The following EPHB1 variants were observed in gnomAD, a reference collection of about 807,000 sequenced individuals.
EPHB1 encodes the protein EPH receptor B1.
Under a neutral mutation model 94.4 loss-of-function variants are expected in EPHB1, and 30 were observed. The observed-to-expected ratio is 0.32, with a 90% confidence interval of 0.24 to 0.43. EPHB1 has a LOEUF of 0.43. Ranked by LOEUF, EPHB1 falls within the 20% of genes least tolerant of loss-of-function variation. The pLI, the probability that EPHB1 is intolerant of heterozygous loss-of-function variation, is 1.00. For missense variants in EPHB1, 1,055 were observed against 1,308.3 expected (o/e 0.81, Z 2.99); for synonymous variants, 522 against 489.1 (o/e 1.07, Z -0.89).
At position 134,854,719 on chromosome 3, in the gene EPHB1, G is replaced by A. The variant is rs996920217; in HGVS notation, c.58+59030G>A. Reference sequence around the variant, plus strand: ...CATCCATTGACTGCTATAAAATTGAGCTCCAAATGCATGGCTTGGCCATAG... The same window carrying A: ...CATCCATTGACTGCTATAAAATTGAACTCCAAATGCATGGCTTGGCCATAG... On this transcript the variant is annotated intron_variant, in intron 1 of 15. Transcript: ENST00000398015. Among the ~76,000 whole-genome samples, 4 of 152,238 alleles carry A rather than the reference G, an allele frequency of 2.6e-5. No individual in the cohort carries two copies. The East Asian group carries it at 7.7e-4, about 29-fold the overall frequency.
chr3:134,848,043 C>T (rs1258473409), intron 1 of EPHB1, among the ~76,000 whole-genome samples: 1 of 152,144 alleles, frequency 6.6e-6, no homozygotes, highest in African/African-American at 2.4e-5. Context: ...TTTTCTGATG[C>T]CTCAGTTTCC....
rs116124266 is a variant in EPHB1, at chr3:134,807,175, T to G, written c.58+11486T>G. On this transcript the variant is annotated intron_variant, in intron 1 of 15. Transcript: ENST00000398015. ...ACATTCTACAGAGGCAAATGGGGAGTGAGAGCAGAGAGACCGAACTGCCAG... is the reference window on the plus strand; with the variant it reads ...ACATTCTACAGAGGCAAATGGGGAGGGAGAGCAGAGAGACCGAACTGCCAG... 4.7e-3 allele frequency among the ~76,000 whole-genome samples: 712 copies of G among 151,654 alleles called. 6 individuals carry two copies. Among genetic ancestry groups the G allele is most frequent in the African/African-American group, 0.016 (682 of 41,338 alleles).
intron 3 of EPHB1, among the ~76,000 whole-genome samples, chr3:135,067,242 G>T (rs57380727): frequency 6.6e-6 from 1 of 152,150 alleles, no homozygotes; most frequent in Non-Finnish European, 1.5e-5. Flanking sequence ...GGGGAAGGGG[G>T]TGCCTAGAAC....
chr3:134,820,544 C>G (rs1042199798), intron 1 of EPHB1, among the ~76,000 whole-genome samples: 1 of 152,198 alleles, frequency 6.6e-6, no homozygotes, highest in Admixed American at 6.5e-5. Context: ...GCTGGGCCCT[C>G]TAATCACAGG....
Position 135,162,031 on chromosome 3 carries a change from T to C in EPHB1, c.1436T>C (p.Phe479Ser). The change falls in exon 7 of 16, where the codon TTC becomes TCC. Residue 479 changes from phenylalanine to serine, a missense_variant. Phe to Ser is a radical substitution (Grantham distance 155). Transcript: ENST00000398015. ...GCTTTCTTTTAGGAACACAATGAGT[T>C]CAACTCCTCCATGGCCAGGAGTCAG... The part of the protein sequence containing the change: ...IRYYEKEHNE[F>S]NSSMARSQTN... 6.2e-7 allele frequency: 1 copy of C among 1,610,914 alleles called. No individual in the cohort carries two copies. Among genetic ancestry groups the C allele is most frequent in the Non-Finnish European group, 8.5e-7 (1 of 1,178,490 alleles).
intron 2 of EPHB1, among the ~76,000 whole-genome samples, chr3:134,949,806 T>A (rs1386518409): frequency 6.6e-6 from 1 of 152,164 alleles, no homozygotes; most frequent in African/African-American, 2.4e-5. Context: ...GAGACCAGGA[T>A]CTGGAGAGCT....
chr3:135,098,585 C>T (rs1257422646), intron 3 of EPHB1, among the ~76,000 whole-genome samples: 2 of 152,072 alleles, frequency 1.3e-5, no homozygotes, highest in East Asian at 3.8e-4. Context: ...CATCAATGAA[C>T]ATAAATCTTT....
chr3:135,139,666 G>A (rs561303826), intron 5 of EPHB1, among the ~76,000 whole-genome samples: 1 of 152,282 alleles, frequency 6.6e-6, no homozygotes, highest in East Asian at 1.9e-4. Context: ...GTGACTGATT[G>A]GGAAGTGACT....
intron 13 of EPHB1, among the ~76,000 whole-genome samples, chr3:135,245,578 C>T (rs1345014018): frequency 6.7e-6 from 1 of 148,654 alleles, no homozygotes; most frequent in Non-Finnish European, 1.5e-5. Context: ...GAGGCCGAGG[C>T]GGGAGGATCA....
At chr3:135,060,628 T>C (rs1187771351) in intron 3 of EPHB1, among the ~76,000 whole-genome samples, 21 of 152,188 alleles carry the variant, frequency 1.4e-4, no homozygotes, top group Non-Finnish European at 1.5e-5. Context: ...ATAGCATTCT[T>C]TTTAAAACTT....
chr3:134,892,575 A>C (rs1268271117), intron 1 of EPHB1, among the ~76,000 whole-genome samples: 1 of 152,240 alleles, frequency 6.6e-6, no homozygotes, highest in Admixed American at 6.5e-5. Context: ...AACAAAGAGC[A>C]GTTGGTGTTT....
chr3:134,988,620 TTGGCTG>T (rs1352902094), intron 3 of EPHB1, among the ~76,000 whole-genome samples: 8 of 152,104 alleles, frequency 5.3e-5, no homozygotes, highest in Admixed American at 1.3e-4. Context: ...TTTATTAGAG[TTGGCTG>T]CCCATGAGAG....
intron 1 of EPHB1, among the ~76,000 whole-genome samples, chr3:134,921,734 ATTTAAG>A (rs2038690457): frequency 1.3e-5 from 2 of 152,202 alleles, no homozygotes; most frequent in Admixed American, 1.3e-4. Context: ...ACTTGGAGTG[ATTTAAG>A]TTATAGTAAT....
chr3:135,171,056 A>G (rs1469453547), intron 9 of EPHB1, among the ~76,000 whole-genome samples: 1 of 152,200 alleles, frequency 6.6e-6, no homozygotes, highest in African/African-American at 2.4e-5. Context: ...AGATTACAGA[A>G]CAGGAGTCTG....
chr3:135,013,290 C>T (rs2107749864), intron 3 of EPHB1, among the ~76,000 whole-genome samples: 1 of 152,334 alleles, frequency 6.6e-6, no homozygotes, highest in South Asian at 2.1e-4. Context: ...TTTGCCCCTG[C>T]ACCGTCATTG....
chr3:135,138,444 T>C (rs1396184928), intron 5 of EPHB1, among the ~76,000 whole-genome samples: 1 of 152,252 alleles, frequency 6.6e-6, no homozygotes, highest in Non-Finnish European at 1.5e-5. Context: ...GAATAATCTT[T>C]GAATATGAAA....
At chr3:135,252,039 T>A (rs1022992173) in intron 15 of EPHB1, among the ~76,000 whole-genome samples, 1 of 152,038 alleles carries the variant, frequency 6.6e-6, no homozygotes, top group Admixed American at 6.6e-5. Context: ...TAAATTATTA[T>A]AAATAATAAT....
chr3:134,923,097 C>G (rs2038721397), intron 1 of EPHB1, among the ~76,000 whole-genome samples: 1 of 152,142 alleles, frequency 6.6e-6, no homozygotes. Context: ...TAAGCAGGGA[C>G]CAGCCTCCCC....
At chr3:135,234,300 C>T (rs1037251538) in intron 12 of EPHB1, among the ~76,000 whole-genome samples, 6 of 152,192 alleles carry the variant, frequency 3.9e-5, no homozygotes, top group African/African-American at 1.4e-4. Flanking sequence ...CAGCAAAAGT[C>T]ACCTTTGCTC....
Sources: allele counts gnomAD v4.1 joint callset (sites outside exome capture counted in the v4.1 genomes callset), GRCh38; gene constraint gnomAD v4.1.1; transcripts MANE v1.5; gene names NCBI Gene and HGNC (gene_info 2026-07-23, HGNC 2026-07-21).